The following CFAP299 variants were observed in gnomAD, a reference collection of about 807,000 sequenced individuals.
The protein encoded by CFAP299 is cilia- and flagella-associated protein 299.
CFAP299 carries 21 observed loss-of-function variants against 27.0 expected under a neutral mutation model. That is an observed-to-expected ratio of 0.78 (90% confidence interval 0.55 to 1.12). The LOEUF (loss-of-function observed/expected upper bound fraction) is 1.12. Ranked by LOEUF, CFAP299 falls within the 50% of genes most tolerant of loss-of-function variation. The pLI is 0.00. For missense variants in CFAP299, 310 were observed against 276.6 expected (o/e 1.12, Z -0.86); for synonymous variants, 104 against 98.1 (o/e 1.06, Z -0.36).
At chr4:80,877,767 TTTA>T (rs1307386951) in intron 4 of CFAP299, among the ~76,000 whole-genome samples, 2 of 152,158 alleles carry the variant, frequency 1.3e-5, no homozygotes, top group Non-Finnish European at 2.9e-5. Context: ...TTTTCAACTT[TTTA>T]TTATTAATTT....
chr4:80,849,339 C>T lies in CFAP299; in HGVS notation c.334-20654C>T, dbSNP rs1344496552. Among the ~76,000 whole-genome samples the T allele has an allele frequency of 3.3e-5, 5 of 152,072 alleles. No homozygotes were observed. In the East Asian group the frequency reaches 7.7e-4, roughly 23 times the overall value. ...ATGGTGCATGAGGTTCGTTGTTAACCAAAATGCTGTTATGGGGTACATGGA... is the reference window on the plus strand; with the variant it reads ...ATGGTGCATGAGGTTCGTTGTTAACTAAAATGCTGTTATGGGGTACATGGA... On this transcript the variant is annotated intron_variant, in intron 3 of 5. Transcript: ENST00000358105.
At chr4:80,427,797 T>A (rs1727599827) in intron 2 of CFAP299, among the ~76,000 whole-genome samples, 1 of 152,234 alleles carries the variant, frequency 6.6e-6, no homozygotes. Flanking sequence ...ACATTTTATT[T>A]TTATTTCAAC....
intron 4 of CFAP299, among the ~76,000 whole-genome samples, chr4:80,895,170 C>CCACA (rs66497721): frequency 0.095 from 12,600 of 132,574 alleles, 546 homozygotes; most frequent in Middle Eastern, 0.19. Flanking sequence ...AATGTTCTCA[C>CCACA]CACACACACA....
At position 80,796,924 on chromosome 4, in the gene CFAP299, C is replaced by T. The variant is rs1177469379; in HGVS notation, c.334-73069C>T. On this transcript the variant is annotated intron_variant, in intron 3 of 5. Coordinates refer to ENST00000358105, the MANE Select transcript of CFAP299 (RefSeq NM_152770.3). Reference sequence around the variant, plus strand: ...GCATTCTGTCATCTGCTAAGTATGTCTATGCCAATTAGACATTCTGGCACT... The same window carrying T: ...GCATTCTGTCATCTGCTAAGTATGTTTATGCCAATTAGACATTCTGGCACT... Among the ~76,000 whole-genome samples the T allele has an allele frequency of 2.6e-5, 4 of 152,312 alleles. No homozygotes were observed. In the East Asian group the frequency reaches 7.7e-4, roughly 29 times the overall value.
intron 3 of CFAP299, among the ~76,000 whole-genome samples, chr4:80,601,867 G>T (rs932506906): frequency 6.6e-6 from 1 of 152,172 alleles, no homozygotes; most frequent in Non-Finnish European, 1.5e-5. Context: ...AGAAAATGTG[G>T]TATATATACA....
chr4:80,591,716 C>T (rs1270176389), intron 3 of CFAP299, among the ~76,000 whole-genome samples: 1 of 152,176 alleles, frequency 6.6e-6, no homozygotes, highest in Non-Finnish European at 1.5e-5. Flanking sequence ...TAATCTCCTG[C>T]TACTGAGGTC....
chr4:80,586,654 T>C (rs1736459166), intron 3 of CFAP299, among the ~76,000 whole-genome samples: 1 of 152,174 alleles, frequency 6.6e-6, no homozygotes, highest in African/African-American at 2.4e-5. Context: ...ATGTAATTCT[T>C]TCTAGTGAAC....
At chr4:80,321,974 T>C in the CFAP299 span, among the ~76,000 whole-genome samples, 13 of 151,982 alleles carry the variant, frequency 8.6e-5, no homozygotes, top group African/African-American at 2.7e-4. Context: ...ACCTGCAAAG[T>C]GGAAGGACAG....
intron 4 of CFAP299, among the ~76,000 whole-genome samples, chr4:80,890,964 C>G (rs1268990588): frequency 6.6e-6 from 1 of 151,648 alleles, no homozygotes; most frequent in Admixed American, 6.6e-5. Flanking sequence ...GATATTAGCC[C>G]TTTGTCAGAT....
At chr4:80,542,605 C>T (rs892158076) in intron 2 of CFAP299, among the ~76,000 whole-genome samples, 11 of 152,128 alleles carry the variant, frequency 7.2e-5, no homozygotes, top group Non-Finnish European at 1.5e-4. Context: ...CTGTCTTTCT[C>T]ACGGGACCAG....
At position 80,386,446 on chromosome 4, in the gene CFAP299, G is replaced by A. The variant is rs193048449; in HGVS notation, c.242+23562G>A. The A allele has an allele frequency of 9.9e-5, 152 of 1,541,444 alleles. 4 individuals carry two copies. In the Middle Eastern group the frequency reaches 2.1e-3, roughly 21 times the overall value. ...TCCAGCCCCAGCGGGTCAGGCAAGG[G>A]GGTCACCACCTTGCGCCCACCACTG... On this transcript the variant is annotated intron_variant, in intron 2 of 5. Coordinates refer to ENST00000358105, the MANE Select transcript of CFAP299 (RefSeq NM_152770.3).
At chr4:80,898,793 TA>T (rs1734739111) in intron 4 of CFAP299, among the ~76,000 whole-genome samples, 1 of 152,080 alleles carries the variant, frequency 6.6e-6, no homozygotes, top group Non-Finnish European at 1.5e-5. Flanking sequence ...TAGTGATGAG[TA>T]AATTAAATGA....
intron 3 of CFAP299, among the ~76,000 whole-genome samples, chr4:80,735,917 T>C (rs1026885219): frequency 6.6e-6 from 1 of 152,114 alleles, no homozygotes. Flanking sequence ...TGTGTCTTTT[T>C]CTTTTTTTGG....
chr4:80,559,238 G>C (rs943166536), intron 2 of CFAP299, among the ~76,000 whole-genome samples: 1 of 146,558 alleles, frequency 6.8e-6, no homozygotes, highest in Admixed American at 6.7e-5. Flanking sequence ...CAGGTTCATG[G>C]TAGTTGGACT....
rs558701707 is a variant in CFAP299 at position 80,877,451 on chromosome 4, G to T, written c.476+7316G>T. On this transcript the variant is annotated intron_variant, in intron 4 of 5. Coordinates refer to ENST00000358105, the MANE Select transcript of CFAP299 (RefSeq NM_152770.3). ...TAATGACAGAAATTATTCATGCACAGTTTGGTCCATTGCTTTAAAAGAAAA... is the reference window on the plus strand; with the variant it reads ...TAATGACAGAAATTATTCATGCACATTTTGGTCCATTGCTTTAAAAGAAAA... Among the ~76,000 whole-genome samples the T allele has an allele frequency of 8.5e-5, 13 of 152,284 alleles. No individual in the cohort carries two copies. The East Asian group carries it at 2.1e-3, about 25-fold the overall frequency.
At chr4:80,933,151 TCTTTCTTTCCTTTC>T (rs1560482450) in intron 4 of CFAP299, among the ~76,000 whole-genome samples, 3 of 124,162 alleles carry the variant, frequency 2.4e-5, no homozygotes, top group Admixed American at 8.1e-5. Context: ...TCTTTCCTTT[TCTTTCTTTCCTTTC>T]CTTTCTTTCT....
At chr4:80,330,564 T>A in the CFAP299 span, among the ~76,000 whole-genome samples, 1 of 152,140 alleles carries the variant, frequency 6.6e-6, no homozygotes, top group Non-Finnish European at 1.5e-5. Flanking sequence ...GAGTCCCAGC[T>A]CCCCATCTCA....
intron 2 of CFAP299, among the ~76,000 whole-genome samples, chr4:80,488,207 C>T (rs1730923003): frequency 6.6e-6 from 1 of 152,120 alleles, no homozygotes; most frequent in African/African-American, 2.4e-5. Context: ...TGGACACAAA[C>T]ACTACAGCCC....
At chr4:80,343,233 A>G (rs145515861) in intron 1 of CFAP299, among the ~76,000 whole-genome samples, 6 of 152,336 alleles carry the variant, frequency 3.9e-5, no homozygotes, top group Admixed American at 2.6e-4. Context: ...GGTGAGAGAC[A>G]TTAACACCCT....
Sources: allele counts gnomAD v4.1 joint callset (sites outside exome capture counted in the v4.1 genomes callset), GRCh38; gene constraint gnomAD v4.1.1; transcripts MANE v1.5; gene names NCBI Gene and HGNC (gene_info 2026-07-23, HGNC 2026-07-21).